The following MTMR3 variants were observed in gnomAD, a reference collection of about 807,000 sequenced individuals.
The protein encoded by MTMR3 is phosphatidylinositol-3,5-bisphosphate 3-phosphatase MTMR3.
In MTMR3, 32 loss-of-function variants were observed where a neutral mutation model predicts 132.4. The ratio of observed to expected loss-of-function variants is 0.24; its 90% confidence interval spans 0.18 to 0.32. MTMR3 has a LOEUF of 0.32. Among genes scored for constraint, MTMR3 ranks in the 10% least tolerant of loss-of-function variants. MTMR3 has a pLI of 1.00. For synonymous variants in MTMR3, 556 were observed against 550.3 expected, an observed-to-expected ratio of 1.01 and a Z score of -0.14; for missense variants, 1,216 against 1,489.6, an observed-to-expected ratio of 0.82 and a Z score of 3.02.
At chr22:29,937,235 C>T (rs1452166948) in intron 1 of MTMR3, among the ~76,000 whole-genome samples, 3 of 152,064 alleles carry the variant, frequency 2.0e-5, no homozygotes, top group Non-Finnish European at 2.9e-5. Flanking sequence ...GATACTGACT[C>T]TTTAAATGGC....
intron 1 of MTMR3, among the ~76,000 whole-genome samples, chr22:29,934,524 G>T (rs1162214737): frequency 1.3e-5 from 2 of 150,094 alleles, no homozygotes; most frequent in African/African-American, 4.9e-5. Flanking sequence ...TGCCATACTT[G>T]CATTTTAATA....
intron 1 of MTMR3, among the ~76,000 whole-genome samples, chr22:29,889,648 G>A (rs1337128620): frequency 6.6e-6 from 1 of 151,834 alleles, no homozygotes; most frequent in Non-Finnish European, 1.5e-5. Context: ...CCATCTGGAT[G>A]TAATGTTTGG....
chr22:29,958,652 ATC>A (rs1474490842), intron 2 of MTMR3, among the ~76,000 whole-genome samples: 2 of 151,904 alleles, frequency 1.3e-5, no homozygotes, highest in African/African-American at 4.9e-5. Flanking sequence ...CCAGCTCAGA[ATC>A]TCTTTCTCTG....
chr22:29,885,600 A>G (rs1189495485), intron 1 of MTMR3, among the ~76,000 whole-genome samples: 1 of 152,202 alleles, frequency 6.6e-6, no homozygotes, highest in Non-Finnish European at 1.5e-5. Context: ...AAAGGGGTCC[A>G]CTGAAGATGC....
intron 1 of MTMR3, among the ~76,000 whole-genome samples, chr22:29,930,478 G>T (rs558591560): frequency 1.3e-5 from 2 of 152,188 alleles, no homozygotes; most frequent in Admixed American, 1.3e-4. Flanking sequence ...GGCTGAAGTG[G>T]GAGGATTGCC....
chr22:29,913,912 C>T (rs537921805), intron 1 of MTMR3, among the ~76,000 whole-genome samples: 9 of 152,176 alleles, frequency 5.9e-5, no homozygotes, highest in African/African-American at 1.9e-4. Context: ...CCACCGCACT[C>T]GGCTAATTTT....
chr22:29,973,966 T>G (rs1243093197), intron 3 of MTMR3, among the ~76,000 whole-genome samples: 1 of 152,196 alleles, frequency 6.6e-6, no homozygotes, highest in Non-Finnish European at 1.5e-5. Flanking sequence ...CTTTCCTCTC[T>G]TAGCTGCATA....
At chr22:29,928,536 T>C (rs550107474) in intron 1 of MTMR3, among the ~76,000 whole-genome samples, 5 of 152,254 alleles carry the variant, frequency 3.3e-5, no homozygotes, top group East Asian at 1.9e-4. Context: ...CCAAATGATA[T>C]GTAGCTTTCT....
intron 5 of MTMR3, chr22:29,985,866 G>A (rs2145900024): frequency 6.6e-6 from 1 of 152,316 alleles, no homozygotes; most frequent in East Asian, 1.9e-4. Flanking sequence ...CAAATGTTTT[G>A]CATGGTCTGA....
In MTMR3 at chr22:29,978,978, G is replaced by A. The variant is rs1281203010; in HGVS notation, c.136G>A (p.Gly46Ser). Residue 46 changes from glycine (G) to serine (S), a missense_variant, in exon 5 of 20, where the codon GGC becomes AGC. Coordinates refer to ENST00000401950, the MANE Select transcript of MTMR3 (RefSeq NM_021090.4). Reference sequence around the variant, plus strand: ...TCATGGAGAGAGCACAGAGTTTGTGGGCCGTGCCGAGGATGCCATCATTGC... The same window carrying A: ...TCATGGAGAGAGCACAGAGTTTGTGAGCCGTGCCGAGGATGCCATCATTGC... ...ELHGESTEFVGRAEDAIIALS... is the reference protein window; with the variant it reads ...ELHGESTEFVSRAEDAIIALS... 1 of 1,613,900 alleles carries A rather than the reference G, an allele frequency of 6.2e-7. No individual in the cohort carries two copies. Among genetic ancestry groups the A allele is most frequent in the Non-Finnish European group, 8.5e-7 (1 of 1,179,940 alleles).
chr22:30,006,240 T>C (rs1601408169), intron 9 of MTMR3: 1 of 152,234 alleles, frequency 6.6e-6, no homozygotes. Flanking sequence ...GTCTGTCTTA[T>C]TGGAAAAGGA....
intron 4 of MTMR3, 123 bp from the exon 5 acceptor site, chr22:29,978,813 A>C: frequency 2.7e-6 from 2 of 752,762 alleles, no homozygotes; most frequent in Non-Finnish European, 4.5e-6. Flanking sequence ...TTCCTTATCT[A>C]CTTATGTGCT....
At chr22:29,894,218 A>G (rs1355245627) in intron 1 of MTMR3, among the ~76,000 whole-genome samples, 1 of 152,104 alleles carries the variant, frequency 6.6e-6, no homozygotes, top group African/African-American at 2.4e-5. Context: ...CACCATTGAG[A>G]AAGTGGGTGG....
At chr22:29,884,900 G>A (rs2064639317) in intron 1 of MTMR3, among the ~76,000 whole-genome samples, 1 of 152,158 alleles carries the variant, frequency 6.6e-6, no homozygotes, top group Non-Finnish European at 1.5e-5. Context: ...AGTATAGTAT[G>A]TGATATTAAA....
chr22:29,925,766 A>ATAGC (rs2065504087), intron 1 of MTMR3, among the ~76,000 whole-genome samples: 1 of 152,026 alleles, frequency 6.6e-6, no homozygotes. Flanking sequence ...TCACAAAAAA[A>ATAGC]TAGCTGGGTG....
intron 2 of MTMR3, among the ~76,000 whole-genome samples, chr22:29,961,550 A>AC (rs2066312091): frequency 6.6e-6 from 1 of 152,174 alleles, no homozygotes; most frequent in Non-Finnish European, 1.5e-5. Context: ...TTAGCAACAG[A>AC]CCCAAGATAC....
chr22:29,946,354 T>A (rs1235589362), intron 1 of MTMR3, among the ~76,000 whole-genome samples: 1 of 152,138 alleles, frequency 6.6e-6, no homozygotes, highest in African/African-American at 2.4e-5. Flanking sequence ...AGAGGAGATC[T>A]GGTAATCTGT....
At chr22:29,931,289 T>C (rs1320007260) in intron 1 of MTMR3, among the ~76,000 whole-genome samples, 1 of 152,218 alleles carries the variant, frequency 6.6e-6, no homozygotes, top group African/African-American at 2.4e-5. Flanking sequence ...TAAATGTTAG[T>C]TTCATGGTAC....
At chr22:29,886,303 A>T (rs1194795830) in intron 1 of MTMR3, among the ~76,000 whole-genome samples, 5 of 152,238 alleles carry the variant, frequency 3.3e-5, no homozygotes, top group Admixed American at 1.3e-4. Flanking sequence ...GATTCCTTTA[A>T]GAAATTGTTT....
Sources: allele counts gnomAD v4.1 joint callset (sites outside exome capture counted in the v4.1 genomes callset), GRCh38; gene constraint gnomAD v4.1.1; transcripts MANE v1.5; gene names NCBI Gene and HGNC (gene_info 2026-07-23, HGNC 2026-07-21).